The following DMD variants were observed in gnomAD, a reference collection of about 807,000 sequenced individuals.
The protein encoded by DMD is dystrophin.
DMD carries 63 observed loss-of-function variants against 330.1 expected under a neutral mutation model. The ratio of observed to expected loss-of-function variants is 0.19; its 90% CI spans 0.16 to 0.24. DMD has a LOEUF of 0.24. DMD is among the 10% of genes least tolerant of loss of function. The probability of loss-of-function intolerance (pLI) is 1.00; values close to 1 mark genes in which losing one functional copy is unlikely to be tolerated. For synonymous variants in DMD, 1,223 were observed against 959.8 expected (o/e 1.27, Z -5.07); for missense variants, 3,344 against 2,684.1 (o/e 1.25, Z -5.43).
intron 11 of DMD, among the ~76,000 whole-genome samples, chrX:32,633,250 C>A (rs1044279508): frequency 9.0e-6 from 1 of 111,700 alleles, no homozygotes; most frequent in East Asian, 2.8e-4. Flanking sequence ...GTCAGACACA[C>A]GAGATCATCA....
intron 47 of DMD, among the ~76,000 whole-genome samples, chrX:31,897,040 T>C (rs1221419955): frequency 9.0e-6 from 1 of 110,681 alleles, no homozygotes; most frequent in Non-Finnish European, 1.9e-5. Flanking sequence ...TCATCTAGCA[T>C]TGGGTATATC....
intron 44 of DMD, among the ~76,000 whole-genome samples, chrX:32,114,541 A>G (rs1194285584): frequency 9.0e-6 from 1 of 111,356 alleles, no homozygotes; most frequent in Non-Finnish European, 1.9e-5. Context: ...TTTCAAGGTT[A>G]TTCAAGCTGT....
chrX:33,124,500 A>AAAAAAAAAAC (rs2095448231), intron 1 of DMD, among the ~76,000 whole-genome samples: 15 of 104,398 alleles, frequency 1.4e-4, no homozygotes, highest in African/African-American at 1.8e-4. Flanking sequence ...AAAAAAAAAA[A>AAAAAAAAAAC]AAAAAAAAAA....
At chrX:31,510,652 C>T (rs758546112) in intron 55 of DMD, among the ~76,000 whole-genome samples, 1 of 108,824 alleles carries the variant, frequency 9.2e-6, no homozygotes, top group East Asian at 2.9e-4. Flanking sequence ...GGACTATAGG[C>T]GCCCGCCACC....
At chrX:32,505,347 G>T (rs1416967205) in intron 18 of DMD, among the ~76,000 whole-genome samples, 1 of 111,764 alleles carries the variant, frequency 8.9e-6, no homozygotes, top group Admixed American at 9.5e-5. Flanking sequence ...CTAAAACATG[G>T]GCAAAAATCC....
chrX:32,236,445 C>T (rs931583204), intron 43 of DMD, among the ~76,000 whole-genome samples: 3 of 111,886 alleles, frequency 2.7e-5, no homozygotes, highest in African/African-American at 9.7e-5. Context: ...GATGGGAGTA[C>T]GTTATCTCAC....
intron 43 of DMD, 63 bp from the exon 44 acceptor site, chrX:32,217,126 T>C: frequency 3.7e-6 from 4 of 1,094,524 alleles, no homozygotes; most frequent in Non-Finnish European, 5.0e-6. Context: ...ATTATAGAGA[T>C]ATAGCGTATA....
chrX:32,420,535 A>G (rs892269611), intron 29 of DMD, among the ~76,000 whole-genome samples: 2 of 111,928 alleles, frequency 1.8e-5, no homozygotes, highest in Non-Finnish European at 3.8e-5. Context: ...TTGTGAGCAA[A>G]CTAGTCCTTA....
chrX:32,390,424 A>G (rs914005791), intron 30 of DMD, among the ~76,000 whole-genome samples: 1 of 109,729 alleles, frequency 9.1e-6, no homozygotes, highest in Non-Finnish European at 1.9e-5. Context: ...TATCCAAGTG[A>G]AACGATTTAT....
chrX:32,403,512 G>T (rs1192694875), intron 30 of DMD, among the ~76,000 whole-genome samples: 1 of 111,625 alleles, frequency 9.0e-6, no homozygotes, highest in Non-Finnish European at 1.9e-5. Context: ...TTATCATATA[G>T]CCAGTGAGGA....
intron 13 of DMD, among the ~76,000 whole-genome samples, chrX:32,585,189 G>A (rs904534105): frequency 2.7e-5 from 3 of 111,145 alleles, no homozygotes; most frequent in Admixed American, 9.6e-5. Context: ...ACTGGGAAGA[G>A]TGTGTGGATG....
intron 55 of DMD, among the ~76,000 whole-genome samples, chrX:31,536,428 C>A (rs6527097): frequency 0.29 from 32,544 of 110,430 alleles, 4,071 homozygotes; most frequent in African/African-American, 0.47. Flanking sequence ...AGATTGTGAA[C>A]CAGTTTTCAT....
At chrX:32,252,830 AT>A (rs2097278392) in intron 43 of DMD, among the ~76,000 whole-genome samples, 4 of 62,195 alleles carry the variant, frequency 6.4e-5, no homozygotes, top group Admixed American at 2.8e-4. Flanking sequence ...ATAAATATAT[AT>A]AAATATATAT....
intron 30 of DMD, among the ~76,000 whole-genome samples, chrX:32,401,680 T>A (rs981525898): frequency 9.0e-6 from 1 of 111,706 alleles, no homozygotes; most frequent in Non-Finnish European, 1.9e-5. Context: ...AAAAAAGTAA[T>A]TTGAGTCTAC....
intron 11 of DMD, among the ~76,000 whole-genome samples, chrX:32,639,239 T>C (rs1292947572): frequency 8.9e-6 from 1 of 112,089 alleles, no homozygotes; most frequent in Non-Finnish European, 1.9e-5. Flanking sequence ...TTCAATCAAA[T>C]TAATTAGTTT....
At chrX:32,311,088 T>C (rs958474475) in intron 41 of DMD, among the ~76,000 whole-genome samples, 1 of 110,552 alleles carries the variant, frequency 9.0e-6, no homozygotes, top group Non-Finnish European at 1.9e-5. Context: ...TAAATACTAC[T>C]TGGCAGGCAA....
intron 44 of DMD, among the ~76,000 whole-genome samples, chrX:32,216,536 T>C (rs1200567011): frequency 8.9e-6 from 1 of 112,024 alleles, no homozygotes; most frequent in African/African-American, 3.2e-5. Flanking sequence ...TGGATATTTC[T>C]AGCAACTTCA....
At chrX:31,773,724 C>CTTTTTTTTTTTTTTTTTTTTTGTT (rs762551529) in intron 51 of DMD, among the ~76,000 whole-genome samples, 1 of 53,551 alleles carries the variant, frequency 1.9e-5, no homozygotes, top group Admixed American at 2.2e-4. Flanking sequence ...AAGGTTTCTG[C>CTTTTTTTTTTTTTTTTTTTTTGTT]TTTTTTTTTT....
chrX:32,728,942 A>G (rs2067207916), intron 7 of DMD, among the ~76,000 whole-genome samples: 1 of 111,950 alleles, frequency 8.9e-6, no homozygotes, highest in Non-Finnish European at 1.9e-5. Context: ...TTTAGTAAAT[A>G]TTTACTCAGT....
Sources: allele counts gnomAD v4.1 joint callset (sites outside exome capture counted in the v4.1 genomes callset), GRCh38; gene constraint gnomAD v4.1.1; transcripts MANE v1.5; gene names NCBI Gene and HGNC (gene_info 2026-07-23, HGNC 2026-07-21).